SHTN1: variants seen among roughly 807,000 people sequenced by gnomAD.
SHTN1 encodes shootin-1.
A neutral mutation model predicts 83.1 loss-of-function variants in SHTN1; 42 were observed. The observed-to-expected ratio is 0.51, with a 90% CI of 0.39 to 0.65. SHTN1 has a LOEUF of 0.65. Among genes scored for constraint, SHTN1 ranks in the 30% least tolerant of loss-of-function variants. The pLI, the probability that SHTN1 is intolerant of heterozygous loss-of-function variation, is 0.00. For missense variants in SHTN1, 622 were observed against 737.8 expected (o/e 0.84, Z 1.82); for synonymous variants, 224 against 247.7 (o/e 0.90, Z 0.90).
At chr10:116,963,059 T>G (rs1589847991) in intron 3 of SHTN1, among the ~76,000 whole-genome samples, 2 of 61,452 alleles carry the variant, frequency 3.3e-5, no homozygotes, top group East Asian at 9.0e-4. Context: ...TTTTTTTTTT[T>G]TTTTTTTTTT....
intron 2 of SHTN1, among the ~76,000 whole-genome samples, chr10:117,030,248 AC>A (rs1366279896): frequency 3.3e-5 from 5 of 152,200 alleles, no homozygotes; most frequent in African/African-American, 1.2e-4. Context: ...ACGTAATACA[AC>A]CAATAATGTG....
At chr10:117,027,141 G>A (rs1375671744) in intron 2 of SHTN1, among the ~76,000 whole-genome samples, 1 of 152,164 alleles carries the variant, frequency 6.6e-6, no homozygotes, top group Non-Finnish European at 1.5e-5. Flanking sequence ...GATATAGTTT[G>A]GATCTGAATC....
chr10:116,934,307 A>G (rs1169682671), intron 9 of SHTN1, among the ~76,000 whole-genome samples: 1 of 152,166 alleles, frequency 6.6e-6, no homozygotes, highest in African/African-American at 2.4e-5. Context: ...GTCTTACATT[A>G]AAGTCTTCAA....
chr10:117,084,223 G>A (rs1241205272), intron 1 of SHTN1, among the ~76,000 whole-genome samples: 2 of 151,824 alleles, frequency 1.3e-5, no homozygotes, highest in Non-Finnish European at 2.9e-5. Flanking sequence ...ATGGGTTTTT[G>A]GTGTGGATGT....
intron 2 of SHTN1, among the ~76,000 whole-genome samples, chr10:117,031,043 GACT>G (rs1174396742): frequency 2.0e-5 from 3 of 151,958 alleles, no homozygotes; most frequent in African/African-American, 7.3e-5. Context: ...ACCTAAAGAA[GACT>G]ACCTCAAGGC....
chr10:117,112,541 C>A (rs1853783060), intron 1 of SHTN1, among the ~76,000 whole-genome samples: 1 of 152,208 alleles, frequency 6.6e-6, no homozygotes, highest in African/African-American at 2.4e-5. Flanking sequence ...TAAGGATTCA[C>A]AACAATACCC....
In SHTN1 at chr10:117,103,464, C is replaced by T. The variant is rs1184966626; in HGVS notation, c.-189+22843G>A. 2.7e-5 allele frequency among the ~76,000 whole-genome samples: 4 copies of T among 150,908 alleles called. No individual in the cohort carries two copies. The East Asian group carries it at 5.9e-4, about 22-fold the overall frequency. ...ATGTTTTCTACATACTTTTCCTTAGCGGTTATGGGTCTTGAGAGCTACTCT... is the reference window on the plus strand; with the variant it reads ...ATGTTTTCTACATACTTTTCCTTAGTGGTTATGGGTCTTGAGAGCTACTCT... On this transcript the variant is annotated intron_variant, in intron 1 of 17. Transcript: ENST00000392901.
At chr10:116,890,981 A>C in intron 16 of SHTN1, among the ~76,000 whole-genome samples, 1 of 152,204 alleles carries the variant, frequency 6.6e-6, no homozygotes, top group Admixed American at 6.5e-5. Flanking sequence ...ATTCAACAAC[A>C]TTCTAGCTAA....
intron 7 of SHTN1, 122 bp from the exon 8 acceptor site, chr10:116,945,140 C>A: frequency 1.5e-6 from 1 of 666,784 alleles, no homozygotes; most frequent in East Asian, 2.6e-5. Context: ...TCATGCATTC[C>A]TGGTTGGCAT....
rs565598587 is a variant in SHTN1 at position 116,882,948 on chromosome 10, G to A, written c.*3396C>T. 20 of 150,306 alleles carry A rather than the reference G, an allele frequency of 1.3e-4. No homozygotes were observed. The highest frequency in any genetic ancestry group is 4.2e-4 in the African/African-American group (17 of 40,360). The allele number at this position is 150,306 out of a possible 1,614,324, so 9.3% of individuals were successfully genotyped here. On this transcript the variant is annotated 3_prime_UTR_variant, in exon 17 of 17. Coordinates refer to ENST00000355371, the MANE Select transcript of SHTN1 (RefSeq NM_001127211.3). ...AAAGGCAGAACAAACATGACTGGGT[G>A]TTCACATACCCTTTGAAAAATACAC...
chr10:117,098,937 C>G (rs982576063), intron 1 of SHTN1, among the ~76,000 whole-genome samples: 15 of 150,112 alleles, frequency 1.0e-4, no homozygotes, highest in African/African-American at 3.7e-4. Context: ...AAGACCTTAA[C>G]AGTACTTAGT....
chr10:117,111,284 G>A (rs1853764439), intron 1 of SHTN1, among the ~76,000 whole-genome samples: 1 of 152,040 alleles, frequency 6.6e-6, no homozygotes, highest in Non-Finnish European at 1.5e-5. Flanking sequence ...GCCCAAGAAT[G>A]TGCATTTCTT....
At chr10:116,911,474 T>C (rs1442975733) in intron 14 of SHTN1, 19 of 1,549,750 alleles carry the variant, frequency 1.2e-5, no homozygotes, top group Non-Finnish European at 1.5e-5. Context: ...TTCATCAACA[T>C]GTACGGACCC....
intron 12 of SHTN1, among the ~76,000 whole-genome samples, chr10:116,920,766 C>T (rs1444541498): frequency 6.6e-6 from 1 of 152,114 alleles, no homozygotes; most frequent in Non-Finnish European, 1.5e-5. Flanking sequence ...GCCATACCAA[C>T]TTTCTTTCAG....
At chr10:116,960,667 A>T (rs1850153919) in intron 3 of SHTN1, among the ~76,000 whole-genome samples, 1 of 152,228 alleles carries the variant, frequency 6.6e-6, no homozygotes, top group Non-Finnish European at 1.5e-5. Context: ...AAAGAAAAAT[A>T]AATCTTAAAT....
intron 1 of SHTN1, among the ~76,000 whole-genome samples, chr10:117,103,323 T>A (rs943029739): frequency 1.3e-5 from 2 of 151,966 alleles, no homozygotes; most frequent in Admixed American, 6.6e-5. Context: ...ACTCCTGACC[T>A]CAAGTGATCT....
intron 1 of SHTN1, among the ~76,000 whole-genome samples, chr10:117,066,336 G>C (rs903674549): frequency 7.2e-5 from 11 of 152,168 alleles, no homozygotes; most frequent in African/African-American, 2.7e-4. Context: ...CTATTATACA[G>C]CGATGAACAG....
Position 116,911,773 on chromosome 10 carries a change from C to G in SHTN1, c.1359+17G>C. ...ATTTCCCCATTAGCTAAACAATAAACTGAAATCTATTCTTACCAGTATTCC... is the reference window on the plus strand; with the variant it reads ...ATTTCCCCATTAGCTAAACAATAAAGTGAAATCTATTCTTACCAGTATTCC... On this transcript the variant is annotated intron_variant, in intron 14 of 16. Transcript: ENST00000355371. 6.2e-7 allele frequency: 1 copy of G among 1,604,352 alleles called. No individual in the cohort carries two copies. Among genetic ancestry groups the G allele is most frequent in the Admixed American group, 1.7e-5 (1 of 59,732 alleles).
chr10:116,973,785 A>C, intron 2 of SHTN1: 1 of 960,766 alleles, frequency 1.0e-6, no homozygotes. Context: ...GAAGTTCATT[A>C]ATGTCCAGTT....
Sources: allele counts gnomAD v4.1 joint callset (sites outside exome capture counted in the v4.1 genomes callset), GRCh38; gene constraint gnomAD v4.1.1; transcripts MANE v1.5; gene names NCBI Gene and HGNC (gene_info 2026-07-23, HGNC 2026-07-21).